The following SGCZ variants were observed in gnomAD, a reference collection of about 807,000 sequenced individuals.
The protein encoded by SGCZ is zeta-sarcoglycan.
SGCZ carries 40 observed loss-of-function variants against 41.3 expected under a neutral mutation model. That is an observed-to-expected ratio of 0.97 (90% CI 0.75 to 1.26). SGCZ has a LOEUF of 1.26. Among genes scored for constraint, SGCZ ranks in the 50% most tolerant of loss-of-function variants. The pLI, the probability that SGCZ is intolerant of heterozygous loss-of-function variation, is 0.00. For synonymous variants in SGCZ, 206 were observed against 137.5 expected (o/e 1.50, Z -3.49); for missense variants, 552 against 369.8 (o/e 1.49, Z -4.04).
chr8:14,428,222 T>C (rs1002158764), intron 2 of SGCZ, among the ~76,000 whole-genome samples: 1 of 151,850 alleles, frequency 6.6e-6, no homozygotes, highest in Non-Finnish European at 1.5e-5. Context: ...ATATTATATA[T>C]ACTATTCATA....
chr8:14,694,087 G>A (rs1399921879), intron 1 of SGCZ, among the ~76,000 whole-genome samples: 1 of 151,982 alleles, frequency 6.6e-6, no homozygotes, highest in Middle Eastern at 3.2e-3. Context: ...ATTAATATTT[G>A]GGGAAATCAT....
chr8:14,842,654 T>C (rs1166375835), intron 1 of SGCZ, among the ~76,000 whole-genome samples: 2 of 152,182 alleles, frequency 1.3e-5, no homozygotes, highest in Non-Finnish European at 2.9e-5. Context: ...TTAAGAATTG[T>C]TTTTATCTTT....
intron 1 of SGCZ, among the ~76,000 whole-genome samples, chr8:14,664,384 C>T (rs762973151): frequency 2.0e-5 from 3 of 152,138 alleles, no homozygotes; most frequent in Non-Finnish European, 4.4e-5. Flanking sequence ...CCATATTTTA[C>T]TCATCTTGTG....
Position 14,551,477 on chromosome 8 carries a change from ATATT to A in SGCZ, c.234+3251_234+3254del, listed in dbSNP as rs1803819383. Among the ~76,000 whole-genome samples, 4 of 4,888 alleles carry A rather than the reference ATATT, an allele frequency of 8.2e-4. 1 individual carries two copies. The highest frequency in any genetic ancestry group is 1.3e-3 in the African/African-American group (2 of 1,552). The allele number at this position is 4,888 out of a possible 152,430, so 3.2% of individuals were successfully genotyped here. A position where few individuals can be genotyped will look rare whatever the true frequency, so the allele number is the denominator to read the frequency against. On this transcript the variant is annotated intron_variant, in intron 2 of 7. Coordinates refer to ENST00000382080, the MANE Select transcript of SGCZ (RefSeq NM_139167.4). ...ATATTATATATATTATATATATTAT[ATATT>A]ATATATATTATATATATTATATATA...
intron 2 of SGCZ, among the ~76,000 whole-genome samples, chr8:14,371,382 A>T (rs1003881329): frequency 6.6e-6 from 1 of 152,060 alleles, no homozygotes; most frequent in African/African-American, 2.4e-5. Context: ...TTAAGTGATA[A>T]CATTTTCCGG....
intron 5 of SGCZ, among the ~76,000 whole-genome samples, chr8:14,109,029 C>A (rs1802294247): frequency 6.6e-6 from 1 of 152,080 alleles, no homozygotes; most frequent in South Asian, 2.1e-4. Context: ...AAGACAAACC[C>A]TCATAGATGT....
intron 1 of SGCZ, among the ~76,000 whole-genome samples, chr8:14,686,408 GA>G (rs1808613497): frequency 6.6e-6 from 1 of 152,056 alleles, no homozygotes; most frequent in Non-Finnish European, 1.5e-5. Context: ...AACATAGCAA[GA>G]ACAATTAGGA....
intron 2 of SGCZ, among the ~76,000 whole-genome samples, chr8:14,539,564 G>T (rs972237615): frequency 6.6e-6 from 1 of 151,806 alleles, no homozygotes; most frequent in African/African-American, 2.4e-5. Context: ...CTTATTTTAA[G>T]TTCAGGGGTA....
chr8:14,444,553 A>C (rs1028581470), intron 2 of SGCZ, among the ~76,000 whole-genome samples: 2 of 151,924 alleles, frequency 1.3e-5, no homozygotes, highest in African/African-American at 4.8e-5. Flanking sequence ...TCAGTAAACT[A>C]TCGTAAGAAC....
Position 14,652,357 on chromosome 8 carries a change from T to TGGGG in SGCZ, c.40-97435_40-97432dup, listed in dbSNP as rs140665154. On this transcript the variant is annotated intron_variant, in intron 1 of 7. Coordinates refer to ENST00000382080, the MANE Select transcript of SGCZ (RefSeq NM_139167.4). ...CTCAAAAAAAAAAAAGGGGGGGGTG[T>TGGGG]GGGGGGGAGAAAACACTGAAATAAT... Among the ~76,000 whole-genome samples, 291 of 59,684 alleles carry TGGGG rather than the reference T, an allele frequency of 4.9e-3. 7 individuals are homozygous for TGGGG. Among genetic ancestry groups the TGGGG allele is most frequent in the African/African-American group, 0.017 (195 of 11,426 alleles). 39.2% of individuals were successfully genotyped at this position (59,684 alleles called of 152,430 possible). A position where few individuals can be genotyped will look rare whatever the true frequency, so the allele number is the denominator to read the frequency against.
At chr8:14,784,859 G>T (rs1800704685) in intron 1 of SGCZ, among the ~76,000 whole-genome samples, 1 of 129,618 alleles carries the variant, frequency 7.7e-6, no homozygotes, top group Non-Finnish European at 1.6e-5. Context: ...CCGAGATCAT[G>T]CCATTGCACT....
At position 15,076,096 on chromosome 8, in the gene SGCZ, C is replaced by A. The variant is rs1400454556; in HGVS notation, c.39+161489G>T. On this transcript the variant is annotated intron_variant, in intron 1 of 7. Transcript: ENST00000382080. ...AGGACATATAATAGATACCTTTTTT[C>A]CTTCCTCACATCTATGAAGATGAAG... Among the ~76,000 whole-genome samples, 7 of 151,908 alleles carry A rather than the reference C, an allele frequency of 4.6e-5. No individual in the cohort carries two copies. In the East Asian group the frequency reaches 1.4e-3, roughly 29 times the overall value.
intron 5 of SGCZ, among the ~76,000 whole-genome samples, chr8:14,157,828 A>G (rs1289737054): frequency 6.6e-6 from 1 of 152,168 alleles, no homozygotes; most frequent in Non-Finnish European, 1.5e-5. Context: ...TTTCTCTCAC[A>G]GAACACTGAA....
intron 4 of SGCZ, among the ~76,000 whole-genome samples, chr8:14,185,340 T>A (rs930885399): frequency 6.6e-6 from 1 of 152,088 alleles, no homozygotes; most frequent in Non-Finnish European, 1.5e-5. Flanking sequence ...GAGGCGTAGG[T>A]TGCAGTGAGC....
chr8:14,388,709 A>G (rs1258763284), intron 2 of SGCZ, among the ~76,000 whole-genome samples: 2 of 152,068 alleles, frequency 1.3e-5, no homozygotes, highest in Admixed American at 1.3e-4. Context: ...TTGAAGATGA[A>G]CAAGCAATGA....
rs1348102349 is a variant in SGCZ, at chr8:15,196,201, T to G, written c.39+41384A>C. Among the ~76,000 whole-genome samples the G allele has an allele frequency of 2.0e-5, 3 of 152,160 alleles. 1 individual carries two copies. Among genetic ancestry groups the G allele is most frequent in the Admixed American group, 2.0e-4 (3 of 15,270 alleles). ...CGTGAGCCACCGCGCCCGGCCAGGC[T>G]TCGATTTTTTAAAGGCAGGAACTAT... On this transcript the variant is annotated intron_variant, in intron 1 of 7. Coordinates refer to ENST00000382080, the MANE Select transcript of SGCZ (RefSeq NM_139167.4).
intron 1 of SGCZ, among the ~76,000 whole-genome samples, chr8:14,696,325 C>T (rs1423205808): frequency 1.3e-5 from 2 of 152,052 alleles, no homozygotes; most frequent in Non-Finnish European, 2.9e-5. Context: ...AAGATGTTTA[C>T]ACTGAACGCA....
chr8:14,480,750 ATATT>A (rs1204471416), intron 2 of SGCZ, among the ~76,000 whole-genome samples: 2 of 152,080 alleles, frequency 1.3e-5, no homozygotes, highest in African/African-American at 2.4e-5. Context: ...AATAAAGAAT[ATATT>A]TATAATAACA....
At chr8:15,158,571 C>G (rs1426575227) in intron 1 of SGCZ, among the ~76,000 whole-genome samples, 1 of 152,136 alleles carries the variant, frequency 6.6e-6, no homozygotes, top group Non-Finnish European at 1.5e-5. Context: ...GAAGCATATT[C>G]AGAATACTAA....
Sources: allele counts gnomAD v4.1 joint callset (sites outside exome capture counted in the v4.1 genomes callset), GRCh38; gene constraint gnomAD v4.1.1; transcripts MANE v1.5; gene names NCBI Gene and HGNC (gene_info 2026-07-23, HGNC 2026-07-21).